Variants in TRPS1 observed in about 807,000 individuals in gnomAD.
The protein encoded by TRPS1 is zinc finger transcription factor Trps1.
A neutral mutation model predicts 101.2 loss-of-function variants in TRPS1; 6 were observed. The ratio of observed to expected loss-of-function variants is 0.06; its 90% CI spans 0.03 to 0.12. TRPS1 has a LOEUF of 0.12. TRPS1 is among the 10% of genes least tolerant of loss of function. The probability of loss-of-function intolerance (pLI) is 1.00; values close to 1 mark genes in which losing one functional copy is unlikely to be tolerated. For synonymous variants in TRPS1, 578 were observed against 589.8 expected (o/e 0.98, Z 0.29); for missense variants, 1,363 against 1,567.0 (o/e 0.87, Z 2.20).
chr8:115,535,356 A>G (rs907524512), intron 5 of TRPS1, among the ~76,000 whole-genome samples: 32 of 126,106 alleles, frequency 2.5e-4, no homozygotes, highest in African/African-American at 9.0e-4. Context: ...TAGCATATAC[A>G]TAGCACATAT....
rs763955674 is a variant in TRPS1 at position 115,620,009 on chromosome 8, T to G, written c.89A>C (p.Glu30Ala). ...ACCTATAGGCTCCAGGATCTGGCCC[T>G]CGCCTTCACTTGCAACGTTTCTCAG... ...PPLRNVASEG[E>A]GQILEPIGTE... Residue 30 changes from glutamate (E) to alanine (A), a missense_variant, in exon 3 of 7, where the codon GAG (glutamate) becomes GCG (alanine). This residue lies in a region of TRPS1 where 1,020 missense variants were observed against 1,073.0 expected (regional missense o/e 0.95). Coordinates refer to ENST00000395715, the MANE Select transcript of TRPS1 (RefSeq NM_014112.5). 99 of 1,614,086 alleles carry G rather than the reference T, an allele frequency of 6.1e-5. No homozygotes were observed. The highest frequency in any genetic ancestry group is 8.2e-5 in the Non-Finnish European group (97 of 1,180,048).
chr8:115,550,362 C>T (rs1816675024), intron 5 of TRPS1, among the ~76,000 whole-genome samples: 1 of 152,136 alleles, frequency 6.6e-6, no homozygotes, highest in East Asian at 1.9e-4. Flanking sequence ...TACTGGTGGA[C>T]TCTCATGCTG....
intron 1 of TRPS1, among the ~76,000 whole-genome samples, chr8:115,638,642 C>T (rs2130579949): frequency 1.3e-5 from 2 of 152,236 alleles, no homozygotes; most frequent in South Asian, 4.1e-4. Flanking sequence ...CACTTACACA[C>T]AGAGTTTTAC....
chr8:115,426,406 A>C (rs891806190), intron 5 of TRPS1, among the ~76,000 whole-genome samples: 1 of 152,194 alleles, frequency 6.6e-6, no homozygotes, highest in African/African-American at 2.4e-5. Context: ...CCTAAAAGCC[A>C]AAAGTCTCAG....
At chr8:115,585,200 G>C (rs1341757860) in intron 5 of TRPS1, among the ~76,000 whole-genome samples, 1 of 152,132 alleles carries the variant, frequency 6.6e-6, no homozygotes, top group East Asian at 1.9e-4. Flanking sequence ...TGATGCAATA[G>C]AAACTTGAAA....
chr8:115,609,786 C>T (rs1320788028), intron 3 of TRPS1, among the ~76,000 whole-genome samples: 1 of 152,162 alleles, frequency 6.6e-6, no homozygotes, highest in Non-Finnish European at 1.5e-5. Flanking sequence ...GATTTTAGCC[C>T]TAGTTTTAAA....
chr8:115,547,288 C>A (rs1035248280), intron 5 of TRPS1, among the ~76,000 whole-genome samples: 2 of 152,064 alleles, frequency 1.3e-5, no homozygotes, highest in African/African-American at 4.8e-5. Context: ...TCTGTCTCTA[C>A]CTCTCGCCCT....
chr8:115,629,134 C>T (rs984943251), intron 1 of TRPS1, among the ~76,000 whole-genome samples: 3 of 151,078 alleles, frequency 2.0e-5, no homozygotes, highest in South Asian at 2.1e-4. Context: ...TTAAAGCACG[C>T]GTAGTTAAGG....
Position 115,619,120 on chromosome 8 carries a change from C to CA in TRPS1, c.966+11dup. The CA allele has an allele frequency of 6.2e-7, 1 of 1,613,622 alleles. No homozygotes were observed. Among genetic ancestry groups the CA allele is most frequent in the Non-Finnish European group, 8.5e-7 (1 of 1,179,722 alleles). On this transcript the variant is annotated intron_variant, in intron 3 of 6. Transcript: ENST00000395715. ...ACTTTTTCTGTACAAAGAGACAATA[C>CA]AAAGTACAAACCTGCACATCATAGG... is the stretch of plus-strand genomic sequence containing the variant.
At chr8:115,474,064 G>A (rs1814538675) in intron 5 of TRPS1, among the ~76,000 whole-genome samples, 1 of 152,110 alleles carries the variant, frequency 6.6e-6, no homozygotes, top group African/African-American at 2.4e-5. Flanking sequence ...AAGACTCTAG[G>A]TTTAGATGAA....
At chr8:115,616,141 C>T (rs560642292) in intron 3 of TRPS1, among the ~76,000 whole-genome samples, 1 of 152,268 alleles carries the variant, frequency 6.6e-6, no homozygotes, top group African/African-American at 2.4e-5. Flanking sequence ...ACAGTCTTGG[C>T]TTTCTGATGG....
chr8:115,577,026 A>G (rs1322705492), intron 5 of TRPS1, among the ~76,000 whole-genome samples: 1 of 152,202 alleles, frequency 6.6e-6, no homozygotes, highest in Admixed American at 6.6e-5. Flanking sequence ...GCAATTTCTG[A>G]CACTAAGATT....
chr8:115,537,121 G>A (rs184168592), intron 5 of TRPS1, among the ~76,000 whole-genome samples: 364 of 152,082 alleles, frequency 2.4e-3, no homozygotes, highest in African/African-American at 8.1e-3. Context: ...TTTATTAGAT[G>A]ATTCCCCCAC....
chr8:115,557,423 T>C (rs1363602089), intron 5 of TRPS1, among the ~76,000 whole-genome samples: 3 of 152,176 alleles, frequency 2.0e-5, no homozygotes, highest in African/African-American at 7.2e-5. Context: ...AATCTCATCT[T>C]GAATTGCAGG....
chr8:115,560,421 C>T (rs965367213), intron 5 of TRPS1, among the ~76,000 whole-genome samples: 1 of 152,116 alleles, frequency 6.6e-6, no homozygotes, highest in African/African-American at 2.4e-5. Context: ...ATAACAACCA[C>T]GTTGCTAAGG....
chr8:115,476,557 C>T (rs1037424286), intron 5 of TRPS1, among the ~76,000 whole-genome samples: 1 of 152,230 alleles, frequency 6.6e-6, no homozygotes, highest in Admixed American at 6.5e-5. Context: ...CTGTGGCTCG[C>T]CTTTTGCCTC....
intron 5 of TRPS1, among the ~76,000 whole-genome samples, chr8:115,560,505 T>C (rs931043235): frequency 6.6e-6 from 1 of 152,182 alleles, no homozygotes; most frequent in Non-Finnish European, 1.5e-5. Flanking sequence ...GAAATGCTGC[T>C]GAATCCATTT....
rs2129732198 is a variant in TRPS1, at chr8:115,411,782, G to C, written c.*2241C>G. 6.6e-6 allele frequency: 1 copy of C among 152,218 alleles called. No homozygotes were observed. The highest frequency in any genetic ancestry group is 1.5e-5 in the Non-Finnish European group (1 of 67,954). 9.4% of individuals were successfully genotyped at this position (152,218 alleles called of 1,614,324 possible). A position where few individuals can be genotyped will look rare whatever the true frequency, so the allele number is the denominator to read the frequency against. ...GACTTAGTCCTGATTTCTGTCTCTT[G>C]CTTTCTCTTTTCTCTTTTTTTAATA... On this transcript the variant is annotated 3_prime_UTR_variant, in exon 7 of 7. Transcript: ENST00000395715.
intron 1 of TRPS1, among the ~76,000 whole-genome samples, chr8:115,657,942 T>C (rs1811711648): frequency 6.6e-6 from 1 of 151,964 alleles, no homozygotes; most frequent in Non-Finnish European, 1.5e-5. Context: ...TCCTGCAGCT[T>C]ACACATTTTT....
Sources: gnomAD v4.1 joint callset for allele counts (sites outside exome capture counted in the v4.1 genomes callset) on GRCh38, gnomAD v4.1.1 for gene constraint, gnomAD v4.1.1 regional missense constraint, MANE v1.5 for transcripts, NCBI Gene and HGNC (gene_info 2026-07-23, HGNC 2026-07-21) for gene names.